Variants in MED13L observed in about 807,000 individuals in gnomAD.
MED13L encodes the protein mediator complex subunit 13L.
MED13L carries 7 observed loss-of-function variants against 220.9 expected under a neutral mutation model. That is an observed-to-expected ratio of 0.03 (90% CI 0.02 to 0.06). The LOEUF (loss-of-function observed/expected upper bound fraction) is 0.06. Ranked by LOEUF, MED13L falls within the 10% of genes least tolerant of loss-of-function variation. MED13L has a pLI of 1.00. For missense variants in MED13L, 1,965 were observed against 2,760.5 expected, an observed-to-expected ratio of 0.71 and a Z score of 6.46; for synonymous variants, 1,011 against 1,015.2, an observed-to-expected ratio of 1.00 and a Z score of 0.08.
chr12:116,018,290 C>A (rs1879851346), intron 7 of MED13L, among the ~76,000 whole-genome samples: 1 of 152,172 alleles, frequency 6.6e-6, no homozygotes, highest in Non-Finnish European at 1.5e-5. Flanking sequence ...ATGCTTTTCC[C>A]CAATATCTTC....
chr12:115,989,710 A>G (rs1267228353), intron 17 of MED13L, among the ~76,000 whole-genome samples: 1 of 152,178 alleles, frequency 6.6e-6, no homozygotes, highest in Non-Finnish European at 1.5e-5. Flanking sequence ...CTATCCAGGT[A>G]TACAAGTAAC....
chr12:116,162,851 A>C (rs1878990434), intron 2 of MED13L, among the ~76,000 whole-genome samples: 1 of 152,182 alleles, frequency 6.6e-6, no homozygotes, highest in Admixed American at 6.5e-5. Context: ...GTAAAAATTC[A>C]AGTTGAACTG....
At chr12:116,147,917 T>G (rs1877670886) in intron 2 of MED13L, among the ~76,000 whole-genome samples, 1 of 150,944 alleles carries the variant, frequency 6.6e-6, no homozygotes, top group Non-Finnish European at 1.5e-5. Context: ...CTTGGTGGCG[T>G]GCACCTGTAA....
intron 26 of MED13L, 52 bp downstream of exon 26, chr12:115,972,026 G>T: frequency 6.3e-7 from 1 of 1,586,342 alleles, no homozygotes; most frequent in Non-Finnish European, 8.6e-7. Context: ...AAGTTTGAGT[G>T]GACTGAATTG....
At chr12:116,084,947 A>G (rs1354638583) in intron 4 of MED13L, among the ~76,000 whole-genome samples, 1 of 152,162 alleles carries the variant, frequency 6.6e-6, no homozygotes, top group Non-Finnish European at 1.5e-5. Context: ...CTCAGTTAAC[A>G]TGGACATACT....
At chr12:116,097,452 G>T (rs1872716056) in intron 3 of MED13L, among the ~76,000 whole-genome samples, 1 of 151,970 alleles carries the variant, frequency 6.6e-6, no homozygotes, top group Admixed American at 6.6e-5. Context: ...AGCCCATCTT[G>T]CAAGTTTTAA....
intron 2 of MED13L, among the ~76,000 whole-genome samples, chr12:116,219,943 C>T (rs754359032): frequency 1.3e-5 from 2 of 151,954 alleles, no homozygotes; most frequent in African/African-American, 2.4e-5. Flanking sequence ...ATTACAGGTG[C>T]GCACCACCAT....
At chr12:116,190,037 C>G (rs1405503653) in intron 2 of MED13L, among the ~76,000 whole-genome samples, 1 of 151,952 alleles carries the variant, frequency 6.6e-6, no homozygotes, top group Non-Finnish European at 1.5e-5. Flanking sequence ...ATCTGTATGT[C>G]TTTTATTTCT....
Position 115,970,632 on chromosome 12 carries a change from G to C in MED13L, c.6029C>G (p.Ala2010Gly). 1 of 1,613,978 alleles carries C rather than the reference G, an allele frequency of 6.2e-7. No homozygotes were observed. Among genetic ancestry groups the C allele is most frequent in the East Asian group, 2.2e-5 (1 of 44,874 alleles). ...AAACCCATCTTCATTGGGGTAGTTGGCTGGAGCCACCTGGATGGTTGATGA... is the reference window on the plus strand; with the variant it reads ...AAACCCATCTTCATTGGGGTAGTTGCCTGGAGCCACCTGGATGGTTGATGA... ...PTSSTIQVAP[A>G]NYPNEDGFSP... Residue 2010 changes from alanine (A) to glycine (G), a missense_variant, in exon 27 of 31, where the codon GCC becomes GGC. This residue lies in a region of MED13L where 145 missense variants were observed against 328.3 expected (regional missense o/e 0.44). Coordinates refer to ENST00000281928, the MANE Select transcript of MED13L (RefSeq NM_015335.5).
chr12:116,026,870 A>C (rs1352468797), intron 4 of MED13L, among the ~76,000 whole-genome samples: 1 of 152,224 alleles, frequency 6.6e-6, no homozygotes, highest in Admixed American at 6.5e-5. Context: ...AATGTCCATC[A>C]GTAGTGGACC....
At chr12:116,230,030 T>C (rs1005492704) in intron 2 of MED13L, among the ~76,000 whole-genome samples, 54 of 152,336 alleles carry the variant, frequency 3.5e-4, no homozygotes, top group African/African-American at 1.1e-3. Context: ...TCACTGGATA[T>C]GTGTTTTTCC....
In MED13L at chr12:115,996,620, G is replaced by C; in HGVS notation, c.2852C>G (p.Ala951Gly). The C allele has an allele frequency of 2.5e-6, 4 of 1,614,124 alleles. No individual in the cohort carries two copies. Among genetic ancestry groups the C allele is most frequent in the Non-Finnish European group, 3.4e-6 (4 of 1,179,994 alleles). The change falls in exon 16 of 31, where the codon GCT (alanine) becomes GGT (glycine). Residue 951 changes from alanine to glycine, a missense_variant. Coordinates refer to ENST00000281928, the MANE Select transcript of MED13L (RefSeq NM_015335.5). ...ATGGCTCGGCAACATCTTCAGTGGA[G>C]CAAACATGGAGGATCCCACAAAAGG... ...FQPFVGSSMF[A>G]PLKMLPSHCL...
chr12:116,139,880 G>C (rs1741224980), intron 2 of MED13L, among the ~76,000 whole-genome samples: 1 of 147,874 alleles, frequency 6.8e-6, no homozygotes, highest in South Asian at 2.1e-4. Flanking sequence ...TGAGGCAAGA[G>C]AATCACTTGA....
chr12:116,060,470 C>T (rs1234058532), intron 4 of MED13L, among the ~76,000 whole-genome samples: 1 of 149,158 alleles, frequency 6.7e-6, no homozygotes, highest in Non-Finnish European at 1.5e-5. Flanking sequence ...CCCAGCTACT[C>T]GGGAGGCTGA....
chr12:116,261,689 G>C (rs1476767201), intron 1 of MED13L, among the ~76,000 whole-genome samples: 1 of 152,118 alleles, frequency 6.6e-6, no homozygotes, highest in East Asian at 1.9e-4. Flanking sequence ...AACTTCAGCA[G>C]ATAGATATTG....
At chr12:116,001,617 C>G (rs980006733) in intron 14 of MED13L, among the ~76,000 whole-genome samples, 4 of 152,192 alleles carry the variant, frequency 2.6e-5, no homozygotes, top group African/African-American at 9.7e-5. Context: ...CTCCCCCACC[C>G]CATCCCACAA....
intron 4 of MED13L, among the ~76,000 whole-genome samples, chr12:116,038,400 C>G (rs1475344346): frequency 3.4e-4 from 52 of 152,076 alleles, no homozygotes; most frequent in Admixed American, 3.3e-3. Flanking sequence ...CTGCCTAACT[C>G]CATAGCTCCC....
rs1283793597 is a variant in MED13L, at chr12:116,089,897, T to C, written c.479+6772A>G. Reference sequence around the variant, plus strand: ...TAAATTCTAAGATACTTCAGCAAAGTATGCCAAATTTAGCTACATTTACAA... The same window carrying C: ...TAAATTCTAAGATACTTCAGCAAAGCATGCCAAATTTAGCTACATTTACAA... On this transcript the variant is annotated intron_variant, in intron 4 of 30. Transcript: ENST00000281928. Among the ~76,000 whole-genome samples, 8 of 152,326 alleles carry C rather than the reference T, an allele frequency of 5.3e-5. No homozygotes were observed. The East Asian group carries it at 7.7e-4, about 15-fold the overall frequency.
At chr12:116,161,166 C>G (rs1878825920) in intron 2 of MED13L, among the ~76,000 whole-genome samples, 1 of 152,030 alleles carries the variant, frequency 6.6e-6, no homozygotes. Context: ...AGGGGCAGAC[C>G]CGTCATGACC....
Sources: gnomAD v4.1 joint callset for allele counts (sites outside exome capture counted in the v4.1 genomes callset) on GRCh38, gnomAD v4.1.1 for gene constraint, gnomAD v4.1.1 regional missense constraint, MANE v1.5 for transcripts, NCBI Gene and HGNC (gene_info 2026-07-23, HGNC 2026-07-21) for gene names.